Variants in GDE1 observed in about 807,000 individuals in gnomAD.
GDE1 encodes the protein glycerophosphodiester phosphodiesterase 1.
In GDE1, 24 loss-of-function variants were observed where a neutral mutation model predicts 32.2. The ratio of observed to expected loss-of-function variants is 0.75; its 90% CI spans 0.54 to 1.05. GDE1 has a LOEUF of 1.05. GDE1 is among the 50% of genes least tolerant of loss of function. The pLI, the probability that GDE1 is intolerant of heterozygous loss-of-function variation, is 0.00. For synonymous variants in GDE1, 159 were observed against 158.6 expected (o/e 1.00, Z -0.02); for missense variants, 380 against 415.0 (o/e 0.92, Z 0.73).
intron 1 of GDE1, among the ~76,000 whole-genome samples, chr16:19,518,654 C>T (rs16972124): frequency 0.023 from 3,521 of 152,216 alleles, 150 homozygotes; most frequent in African/African-American, 0.08. Flanking sequence ...CATGTCACTC[C>T]CTTACCGGTT....
At chr16:19,515,917 C>T (rs528384087) in intron 2 of GDE1, among the ~76,000 whole-genome samples, 2 of 152,194 alleles carry the variant, frequency 1.3e-5, no homozygotes, top group East Asian at 3.9e-4. Context: ...TAAATAACCA[C>T]ATTCCAAAGT....
At chr16:19,520,145 G>A (rs1037941996) in intron 1 of GDE1, among the ~76,000 whole-genome samples, 57 of 152,128 alleles carry the variant, frequency 3.7e-4, no homozygotes, top group African/African-American at 1.0e-3. Flanking sequence ...TGTGAGTTGA[G>A]TGTATTCCAA....
intron 2 of GDE1, among the ~76,000 whole-genome samples, chr16:19,514,888 G>A (rs558455210): frequency 1.9e-4 from 29 of 152,064 alleles, no homozygotes; most frequent in South Asian, 6.2e-4. Flanking sequence ...CCAACATGGC[G>A]AAACCCCGTT....
intron 4 of GDE1, 118 bp downstream of exon 4, chr16:19,507,569 C>T: frequency 1.5e-6 from 1 of 657,486 alleles, no homozygotes; most frequent in Middle Eastern, 2.5e-4. Flanking sequence ...AGAGGAGCTT[C>T]TCAACTGTGA....
At chr16:19,518,618 A>T (rs938409817) in intron 1 of GDE1, among the ~76,000 whole-genome samples, 3 of 152,120 alleles carry the variant, frequency 2.0e-5, no homozygotes, top group Non-Finnish European at 4.4e-5. Context: ...GGTAATTACC[A>T]TCTTAAAGTT....
At position 19,515,346 on chromosome 16, in the gene GDE1, AT is replaced by A. The variant is rs1230432856; in HGVS notation, c.437+1667del. 2.0e-5 allele frequency among the ~76,000 whole-genome samples: 3 copies of A among 152,192 alleles called. No homozygotes were observed. The East Asian group carries it at 5.8e-4, about 29-fold the overall frequency. The stretch of plus-strand genomic sequence containing the variant: ...CAATCATAGAACACACTCTGTTCCA[AT>A]AGTGGAGCAAAGACTGGTTGTGTTA... On this transcript the variant is annotated intron_variant, in intron 2 of 5. Transcript: ENST00000353258.
Position 19,507,736 on chromosome 16 carries a change from A to C in GDE1, c.587T>G (p.Leu196Arg), listed in dbSNP as rs1969266687. The change falls in exon 4 of 6, where the codon CTG becomes CGG. Residue 196 changes from leucine (L) to arginine (R), a missense_variant. Leu to Arg is a moderately radical substitution (Grantham distance 102). Coordinates refer to ENST00000353258, the MANE Select transcript of GDE1 (RefSeq NM_016641.4). ...LKKMYMEFPQ[L>R]YNNSVVCSFL... The stretch of plus-strand genomic sequence containing the variant: ...AGAACAGACCACACTATTATTATAC[A>C]GTTGAGGAAATTCCATATACATTTT... 6.3e-7 allele frequency: 1 copy of C among 1,575,470 alleles called. No individual in the cohort carries two copies. Among genetic ancestry groups the C allele is most frequent in the Non-Finnish European group, 8.7e-7 (1 of 1,145,380 alleles).
In GDE1 at chr16:19,521,772, T is replaced by C; in HGVS notation, c.193A>G (p.Ile65Val). The change falls in exon 1 of 6, where the codon ATT (isoleucine) becomes GTT (valine). Residue 65 changes from isoleucine to valine, a missense_variant. Coordinates refer to ENST00000353258, the MANE Select transcript of GDE1 (RefSeq NM_016641.4). ...ALQVLKPRDR[I>V]SAIAHRGGSH... Reference sequence around the variant, plus strand: ...CCGCCACGGTGGGCGATGGCAGAAATGCGGTCCCGGGGCTTGAGCACCTGC... The same window carrying C: ...CCGCCACGGTGGGCGATGGCAGAAACGCGGTCCCGGGGCTTGAGCACCTGC... 6.2e-7 allele frequency: 1 copy of C among 1,611,962 alleles called. No homozygotes were observed. The highest frequency in any genetic ancestry group is 8.5e-7 in the Non-Finnish European group (1 of 1,179,558).
At chr16:19,513,023 T>C (rs1164073588) in intron 2 of GDE1, among the ~76,000 whole-genome samples, 6 of 151,732 alleles carry the variant, frequency 4.0e-5, no homozygotes, top group Non-Finnish European at 5.9e-5. Flanking sequence ...GTAGTATATC[T>C]TGAAATGAGG....
In GDE1 at chr16:19,503,584, G is replaced by A. The variant is rs1223784142; in HGVS notation, c.882C>T (p.Ile294=). 1.2e-6 allele frequency: 2 copies of A among 1,613,712 alleles called. No homozygotes were observed. The highest frequency in any genetic ancestry group is 1.7e-6 in the Non-Finnish European group (2 of 1,179,596). Residue 294 remains isoleucine (I), a synonymous_variant, in exon 6 of 6, where the codon ATC becomes ATT. Transcript: ENST00000353258. The part of the protein sequence containing the change: ...AYLKKWSAKG[I]QVVGWTVNTF... ...TATTAACAGTCCAACCAACAACCTG[G>A]ATTCCTTTAGCTGACCACTTCTTCA...
At chr16:19,517,412 C>T (rs1969394955) in intron 1 of GDE1, among the ~76,000 whole-genome samples, 1 of 152,160 alleles carries the variant, frequency 6.6e-6, no homozygotes, top group South Asian at 2.1e-4. Context: ...TTAATTTTCC[C>T]ACTCTTCTTA....
At position 19,522,096 on chromosome 16, in the gene GDE1, A is replaced by C. The variant is rs2151451537; in HGVS notation, c.-132T>G. ...CCCTCTGAGGGGACCAGCGCCGCAC[A>C]ATGGCGGCAGCAGACACATCCAGAG... On this transcript the variant is annotated 5_prime_UTR_variant, in exon 1 of 6. In the 5' UTR this introduces an upstream ATG that the reference lacks. Transcript: ENST00000353258. The C allele has an allele frequency of 1.1e-6, 1 of 919,630 alleles. No homozygotes were observed. The highest frequency in any genetic ancestry group is 1.6e-6 in the Non-Finnish European group (1 of 632,008). The allele number at this position is 919,630 out of a possible 1,614,324, so 57.0% of individuals were successfully genotyped here. A position where few individuals can be genotyped will look rare whatever the true frequency, so the allele number is the denominator to read the frequency against.
chr16:19,522,042 A>T lies in GDE1; in HGVS notation c.-78T>A. On this transcript the variant is annotated 5_prime_UTR_variant, in exon 1 of 6. Coordinates refer to ENST00000353258, the MANE Select transcript of GDE1 (RefSeq NM_016641.4). ...GGCAGTAGAACGAGAAGCGAGGGGGAGGGTCCAAGGCACCGGCAGCAGCAG... is the reference window on the plus strand; with the variant it reads ...GGCAGTAGAACGAGAAGCGAGGGGGTGGGTCCAAGGCACCGGCAGCAGCAG... 1.4e-6 allele frequency: 2 copies of T among 1,411,780 alleles called. No homozygotes were observed. The highest frequency in any genetic ancestry group is 4.8e-5 in the Admixed American group (2 of 42,018). 87.5% of individuals were successfully genotyped at this position (1,411,780 alleles called of 1,614,324 possible).
chr16:19,518,871 G>A lies in GDE1; in HGVS notation c.262-1682C>T, dbSNP rs148199372. ...CTTTTCCCATGTGATACAGATGTAC[G>A]ACTATTTTGGAAAAACACATCACAT... On this transcript the variant is annotated intron_variant, in intron 1 of 5. Transcript: ENST00000353258. 5.1e-3 allele frequency among the ~76,000 whole-genome samples: 772 copies of A among 152,118 alleles called. 3 individuals are homozygous for A. Among genetic ancestry groups the A allele is most frequent in the Non-Finnish European group, 7.6e-3 (517 of 68,004 alleles).
At chr16:19,511,945 A>G (rs1161353259) in intron 2 of GDE1, among the ~76,000 whole-genome samples, 2 of 152,062 alleles carry the variant, frequency 1.3e-5, no homozygotes, top group Admixed American at 6.6e-5. Flanking sequence ...GAGTATATTT[A>G]CCACAGTTTA....
chr16:19,509,174 T>A (rs1969285711), intron 3 of GDE1, among the ~76,000 whole-genome samples: 1 of 152,154 alleles, frequency 6.6e-6, no homozygotes, highest in African/African-American at 2.4e-5. Context: ...TGATGGCACA[T>A]GCCTCTAATC....
intron 2 of GDE1, 104 bp from the exon 3 acceptor site, chr16:19,511,048 T>C: frequency 1.7e-6 from 1 of 574,682 alleles, no homozygotes; most frequent in Non-Finnish European, 3.1e-6. Flanking sequence ...AAAGAGTGTT[T>C]TCTCCAACTT....
intron 2 of GDE1, among the ~76,000 whole-genome samples, chr16:19,511,210 C>A (rs1969315195): frequency 6.6e-6 from 1 of 151,342 alleles, no homozygotes; most frequent in African/African-American, 2.4e-5. Context: ...TCAAGCAATT[C>A]TCCCGCCCCA....
At chr16:19,503,805 C>A (rs1441489196) in intron 5 of GDE1, 188 bp from the exon 6 acceptor site, 3 of 522,408 alleles carry the variant, frequency 5.7e-6, no homozygotes, top group Non-Finnish European at 1.0e-5. Context: ...TCTACACTGT[C>A]CCAGCTTAAA....
Sources: allele counts gnomAD v4.1 joint callset (sites outside exome capture counted in the v4.1 genomes callset), GRCh38; gene constraint gnomAD v4.1.1; transcripts MANE v1.5; gene names NCBI Gene and HGNC (gene_info 2026-07-23, HGNC 2026-07-21).